Variants in PRKD3 observed in about 807,000 individuals in gnomAD.
The protein encoded by PRKD3 is protein kinase D3.
Under a neutral mutation model 99.2 loss-of-function variants are expected in PRKD3, and 47 were observed. That is an observed-to-expected ratio of 0.47 (90% CI 0.38 to 0.60). The LOEUF is 0.60. Among genes scored for constraint, PRKD3 ranks in the 20% least tolerant of loss-of-function variants. The pLI is 0.00. For synonymous variants in PRKD3, 392 were observed against 355.4 expected, an observed-to-expected ratio of 1.10 and a Z score of -1.16; for missense variants, 1,019 against 1,088.4, an observed-to-expected ratio of 0.94 and a Z score of 0.90.
chr2:37,270,860 A>C (rs534660814), intron 12 of PRKD3, among the ~76,000 whole-genome samples: 6 of 152,338 alleles, frequency 3.9e-5, no homozygotes, highest in African/African-American at 1.4e-4. Context: ...GTATGTGTAT[A>C]TATATTTGTT....
chr2:37,297,656 C>T (rs1043646987), intron 2 of PRKD3, among the ~76,000 whole-genome samples: 17 of 152,150 alleles, frequency 1.1e-4, no homozygotes, highest in African/African-American at 3.6e-4. Context: ...TTTTAACAAT[C>T]TTGGCTGTTT....
intron 11 of PRKD3, 91 bp downstream of exon 11, chr2:37,274,330 A>C: frequency 7.0e-7 from 1 of 1,422,990 alleles, no homozygotes; most frequent in Non-Finnish European, 9.6e-7. Context: ...GCTTAGGATG[A>C]ACATTAAAAG....
intron 2 of PRKD3, among the ~76,000 whole-genome samples, chr2:37,299,511 T>TACACACACAC (rs70949749): frequency 3.0e-4 from 40 of 132,596 alleles, no homozygotes; most frequent in South Asian, 1.3e-3. Flanking sequence ...TCTACTAAAA[T>TACACACACAC]ACACACACAC....
intron 12 of PRKD3, among the ~76,000 whole-genome samples, chr2:37,272,089 G>T (rs1669303140): frequency 6.6e-6 from 1 of 152,134 alleles, no homozygotes; most frequent in South Asian, 2.1e-4. Flanking sequence ...CCTTTAGGAA[G>T]CTTCCCCTGC....
rs754997931 is a variant in PRKD3, at chr2:37,279,799, CAAG to C, written c.1116_1118del (p.Phe372del). ...TTTCCACATCGAGATCAGATGGATC[CAAG>C]AAGAACATCTTATCTTCTGGGGGTG... On this transcript the variant is annotated inframe_deletion, in exon 8 of 19. Transcript: ENST00000234179. The C allele has an allele frequency of 6.8e-6, 11 of 1,613,796 alleles. No homozygotes were observed. In the Admixed American group the frequency reaches 1.2e-4, roughly 17 times the overall value.
At chr2:37,322,390 A>G (rs1671923607) in intron 1 of PRKD3, among the ~76,000 whole-genome samples, 1 of 152,248 alleles carries the variant, frequency 6.6e-6, no homozygotes, top group Non-Finnish European at 1.5e-5. Context: ...AGCATTTGCT[A>G]AATTGTTTCC....
At chr2:37,286,455 T>C in intron 5 of PRKD3, 86 bp from the exon 6 acceptor site, 1 of 1,166,392 alleles carries the variant, frequency 8.6e-7, no homozygotes, top group Non-Finnish European at 1.2e-6. Context: ...AATCATTTAT[T>C]TCAAACACTA....
At chr2:37,294,214 G>A (rs1207904007) in intron 2 of PRKD3, among the ~76,000 whole-genome samples, 2 of 152,060 alleles carry the variant, frequency 1.3e-5, no homozygotes, top group Admixed American at 6.6e-5. Flanking sequence ...TCCCACCTCA[G>A]CCTCCCCAGT....
At chr2:37,289,113 G>C (rs1317811652) in intron 5 of PRKD3, among the ~76,000 whole-genome samples, 1 of 151,008 alleles carries the variant, frequency 6.6e-6, no homozygotes, top group Non-Finnish European at 1.5e-5. Flanking sequence ...TGGAGACCAG[G>C]AGCCAGGATA....
intron 5 of PRKD3, among the ~76,000 whole-genome samples, chr2:37,288,889 A>G (rs1051291865): frequency 9.9e-5 from 15 of 152,028 alleles, no homozygotes; most frequent in African/African-American, 3.6e-4. Context: ...CCTCATCTCT[A>G]CTAAACATAC....
chr2:37,252,745 A>G lies in PRKD3; in HGVS notation c.*432T>C. On this transcript the variant is annotated 3_prime_UTR_variant, in exon 19 of 19. Transcript: ENST00000234179. ...CTCTTAAATACAAGCCTGTCGAGTA[A>G]TCAATCTTGTAAGTCTTGTATAATT... The G allele has an allele frequency of 6.6e-6, 1 of 151,970 alleles. No homozygotes were observed. The highest frequency in any genetic ancestry group is 2.4e-5 in the African/African-American group (1 of 41,502). The allele number at this position is 151,970 out of a possible 1,614,324, so 9.4% of individuals were successfully genotyped here.
At chr2:37,299,551 C>CAT (rs1558568292) in intron 2 of PRKD3, among the ~76,000 whole-genome samples, 1 of 126,134 alleles carries the variant, frequency 7.9e-6, no homozygotes. Context: ...CACACACACA[C>CAT]ACACACACAA....
At chr2:37,288,782 G>A (rs1670241047) in intron 5 of PRKD3, among the ~76,000 whole-genome samples, 1 of 152,150 alleles carries the variant, frequency 6.6e-6, no homozygotes, top group Non-Finnish European at 1.5e-5. Context: ...TCTGCAGATA[G>A]CAGTGCCTCA....
intron 2 of PRKD3, among the ~76,000 whole-genome samples, chr2:37,294,573 A>G (rs1670592496): frequency 6.7e-6 from 1 of 149,248 alleles, no homozygotes; most frequent in Non-Finnish European, 1.5e-5. Flanking sequence ...AAAACCTCAT[A>G]GTATGTTTAA....
intron 3 of PRKD3, 158 bp downstream of exon 3, chr2:37,292,975 G>A (rs74618989): frequency 1.2e-6 from 1 of 801,222 alleles, no homozygotes; most frequent in East Asian, 2.8e-5. Context: ...GATATAACAT[G>A]CCTGAAAGGA....
intron 2 of PRKD3, among the ~76,000 whole-genome samples, chr2:37,294,357 A>T (rs529528596): frequency 6.6e-6 from 1 of 152,094 alleles, no homozygotes; most frequent in Non-Finnish European, 1.5e-5. Flanking sequence ...CAGCCTCCCA[A>T]AGTGCTGGGA....
At chr2:37,270,116 A>G (rs936445220) in intron 12 of PRKD3, among the ~76,000 whole-genome samples, 2 of 151,934 alleles carry the variant, frequency 1.3e-5, no homozygotes, top group African/African-American at 4.8e-5. Context: ...AATCCTAGCT[A>G]CTCGGGAGGC....
intron 1 of PRKD3, among the ~76,000 whole-genome samples, chr2:37,321,908 T>C (rs1671900030): frequency 6.6e-6 from 1 of 152,212 alleles, no homozygotes; most frequent in Non-Finnish European, 1.5e-5. Context: ...AAGAAGTTCA[T>C]TATTTAGTGC....
At chr2:37,258,693 G>A (rs984877365) in intron 16 of PRKD3, among the ~76,000 whole-genome samples, 1 of 152,110 alleles carries the variant, frequency 6.6e-6, no homozygotes, top group African/African-American at 2.4e-5. Context: ...AAATGATAGG[G>A]AATCACTTTT....
Sources: allele counts gnomAD v4.1 joint callset (sites outside exome capture counted in the v4.1 genomes callset), GRCh38; gene constraint gnomAD v4.1.1; transcripts MANE v1.5; gene names NCBI Gene and HGNC (gene_info 2026-07-23, HGNC 2026-07-21).